The following GABRB2 variants were observed in gnomAD, a reference collection of about 807,000 sequenced individuals.
The protein encoded by GABRB2 is gamma-aminobutyric acid receptor subunit beta-2.
GABRB2 carries 16 observed loss-of-function variants against 54.7 expected under a neutral mutation model. The observed-to-expected ratio is 0.29, with a 90% CI of 0.20 to 0.44. The LOEUF (loss-of-function observed/expected upper bound fraction) is 0.44, where lower values mean the gene tolerates loss of function less well. Among genes scored for constraint, GABRB2 ranks in the 20% least tolerant of loss-of-function variants. The probability of loss-of-function intolerance (pLI) is 1.00; values close to 1 mark genes in which losing one functional copy is unlikely to be tolerated. For synonymous variants in GABRB2, 244 were observed against 233.8 expected (o/e 1.04, Z -0.40); for missense variants, 355 against 644.0 (o/e 0.55, Z 4.86).
chr5:161,445,779 G>T (rs1016034031), intron 4 of GABRB2, among the ~76,000 whole-genome samples: 8 of 151,980 alleles, frequency 5.3e-5, no homozygotes, highest in Admixed American at 2.0e-4. Context: ...CCACCCTTCT[G>T]GGCCAAACCA....
Position 161,338,831 on chromosome 5 carries a change from G to A in GABRB2, c.542-2062C>T, listed in dbSNP as rs540827151. Among the ~76,000 whole-genome samples the A allele has an allele frequency of 2.0e-5, 3 of 152,138 alleles. No individual in the cohort carries two copies. The South Asian group carries it at 6.2e-4, about 32-fold the overall frequency. On this transcript the variant is annotated intron_variant, in intron 5 of 9. Coordinates refer to ENST00000393959, the MANE Select transcript of GABRB2 (RefSeq NM_001371727.1). ...ACATAAAAGTAAATTTCAGACTCAT[G>A]ATTTCAACATACATTCTAGGTATTA...
At chr5:161,515,506 GA>G (rs200712344) in intron 3 of GABRB2, among the ~76,000 whole-genome samples, 7 of 149,698 alleles carry the variant, frequency 4.7e-5, no homozygotes, top group Non-Finnish European at 5.9e-5. Flanking sequence ...TAGCTAAAAA[GA>G]AAAAAAAAGG....
At chr5:161,436,308 G>A (rs1258990051) in intron 4 of GABRB2, among the ~76,000 whole-genome samples, 1 of 152,142 alleles carries the variant, frequency 6.6e-6, no homozygotes, top group Non-Finnish European at 1.5e-5. Flanking sequence ...CAAGGTGGGT[G>A]GATTACGAGG....
At chr5:161,367,363 G>A (rs1383664407) in intron 5 of GABRB2, among the ~76,000 whole-genome samples, 2 of 152,170 alleles carry the variant, frequency 1.3e-5, no homozygotes, top group African/African-American at 4.8e-5. Flanking sequence ...TGCTTAGCAT[G>A]AGACCTGGCA....
intron 5 of GABRB2, among the ~76,000 whole-genome samples, chr5:161,355,852 CAGA>C (rs1458776500): frequency 3.3e-5 from 5 of 152,162 alleles, no homozygotes; most frequent in Non-Finnish European, 7.4e-5. Context: ...ATCCAACCTA[CAGA>C]AGAATAGGTC....
chr5:161,378,748 T>TG (rs34147050), intron 5 of GABRB2, among the ~76,000 whole-genome samples: 100,990 of 152,018 alleles, frequency 0.66, 34,462 homozygotes, highest in South Asian at 0.76. Flanking sequence ...CTACTAGAAG[T>TG]GAAATGCCAC....
At chr5:161,340,700 C>G (rs1055169259) in intron 5 of GABRB2, among the ~76,000 whole-genome samples, 1 of 151,540 alleles carries the variant, frequency 6.6e-6, no homozygotes, top group African/African-American at 2.4e-5. Flanking sequence ...ATGCTTAGAA[C>G]AGCATCAGCA....
At chr5:161,394,303 A>T (rs1404191917) in intron 5 of GABRB2, among the ~76,000 whole-genome samples, 1 of 152,048 alleles carries the variant, frequency 6.6e-6, no homozygotes, top group Non-Finnish European at 1.5e-5. Flanking sequence ...ATCTTAAAAA[A>T]ATCTAGAAAA....
At chr5:161,519,175 G>C (rs976366565) in intron 3 of GABRB2, among the ~76,000 whole-genome samples, 1 of 152,166 alleles carries the variant, frequency 6.6e-6, no homozygotes, top group African/African-American at 2.4e-5. Context: ...GCAGGTCACA[G>C]GGTCTCTTTT....
upstream of GABRB2, chr5:161,547,915 T>A (rs1761039908): frequency 6.6e-6 from 1 of 151,228 alleles, no homozygotes; most frequent in South Asian, 2.1e-4. Flanking sequence ...CGCCGCCCAC[T>A]CCCGCGGCGT....
At chr5:161,366,190 G>GA (rs1754968730) in intron 5 of GABRB2, among the ~76,000 whole-genome samples, 1 of 151,794 alleles carries the variant, frequency 6.6e-6, no homozygotes, top group Non-Finnish European at 1.5e-5. Flanking sequence ...CACTGCGAAA[G>GA]AAAATGACAG....
At chr5:161,437,756 C>T (rs547841244) in intron 4 of GABRB2, among the ~76,000 whole-genome samples, 12 of 152,280 alleles carry the variant, frequency 7.9e-5, no homozygotes, top group Admixed American at 2.6e-4. Flanking sequence ...TGACAATAGT[C>T]TGGCAGTACT....
chr5:161,541,033 A>T (rs547864290), intron 3 of GABRB2, among the ~76,000 whole-genome samples: 2 of 152,114 alleles, frequency 1.3e-5, no homozygotes, highest in South Asian at 2.1e-4. Context: ...TTTTGTAGAG[A>T]CAGGGTTTCA....
chr5:161,480,959 T>A (rs1207770596), intron 3 of GABRB2, among the ~76,000 whole-genome samples: 1 of 152,056 alleles, frequency 6.6e-6, no homozygotes, highest in Non-Finnish European at 1.5e-5. Context: ...TTTGGGATTT[T>A]AAATCAACAG....
intron 5 of GABRB2, among the ~76,000 whole-genome samples, chr5:161,374,891 G>T (rs975633912): frequency 6.6e-6 from 1 of 152,028 alleles, no homozygotes; most frequent in East Asian, 1.9e-4. Flanking sequence ...CTTATATTCA[G>T]CTTATTGCTG....
At chr5:161,513,043 TAAAAAGA>T (rs1759826972) in intron 3 of GABRB2, among the ~76,000 whole-genome samples, 3 of 134,654 alleles carry the variant, frequency 2.2e-5, no homozygotes, top group South Asian at 4.6e-4. Flanking sequence ...ATTGCAAAGA[TAAAAAGA>T]AAAAAGAAAA....
chr5:161,421,669 C>A (rs1000665330), intron 4 of GABRB2, among the ~76,000 whole-genome samples: 18 of 152,054 alleles, frequency 1.2e-4, no homozygotes, highest in Non-Finnish European at 2.4e-4. Flanking sequence ...AGACAGACCC[C>A]TCAATCCACT....
intron 5 of GABRB2, among the ~76,000 whole-genome samples, chr5:161,354,452 C>T (rs1219169650): frequency 6.6e-6 from 1 of 151,892 alleles, no homozygotes; most frequent in Non-Finnish European, 1.5e-5. Flanking sequence ...GTGACACAAC[C>T]GCATCCCAAA....
chr5:161,394,852 T>C (rs1211144462), intron 5 of GABRB2, among the ~76,000 whole-genome samples: 1 of 152,060 alleles, frequency 6.6e-6, no homozygotes. Flanking sequence ...CACTCATATT[T>C]TGAGGCCAAC....
Sources: gnomAD v4.1 joint callset for allele counts (sites outside exome capture counted in the v4.1 genomes callset) on GRCh38, gnomAD v4.1.1 for gene constraint, MANE v1.5 for transcripts, NCBI Gene and HGNC (gene_info 2026-07-23, HGNC 2026-07-21) for gene names.